The following LRRC4C variants were observed in gnomAD, a reference collection of about 807,000 sequenced individuals.
The protein encoded by LRRC4C is leucine rich repeat containing 4C.
Under a neutral mutation model 33.6 loss-of-function variants are expected in LRRC4C, and 5 were observed. The observed-to-expected ratio is 0.15, with a 90% CI of 0.08 to 0.31. The LOEUF is 0.31. Ranked by LOEUF, LRRC4C falls within the 10% of genes least tolerant of loss-of-function variation. The pLI is 1.00. For synonymous variants in LRRC4C, 329 were observed against 302.0 expected, an observed-to-expected ratio of 1.09 and a Z score of -0.93; for missense variants, 560 against 796.7, an observed-to-expected ratio of 0.70 and a Z score of 3.58.
At chr11:41,291,354 C>T (rs1434479219) in intron 1 of LRRC4C, among the ~76,000 whole-genome samples, 2 of 152,046 alleles carry the variant, frequency 1.3e-5, no homozygotes, top group Non-Finnish European at 2.9e-5. Flanking sequence ...AATACATATG[C>T]CCTTACATAT....
intron 1 of LRRC4C, among the ~76,000 whole-genome samples, chr11:41,015,344 T>A (rs1855503598): frequency 6.6e-6 from 1 of 152,202 alleles, no homozygotes; most frequent in Non-Finnish European, 1.5e-5. Context: ...GTTTAATTTT[T>A]TTGAGACAGG....
At chr11:40,386,828 C>G (rs771385069) in intron 3 of LRRC4C, among the ~76,000 whole-genome samples, 3 of 152,066 alleles carry the variant, frequency 2.0e-5, no homozygotes, top group Non-Finnish European at 4.4e-5. Flanking sequence ...CTTACTGGCT[C>G]CTCTTTAAAT....
chr11:41,266,039 A>C (rs1949141305), intron 1 of LRRC4C, among the ~76,000 whole-genome samples: 2 of 152,058 alleles, frequency 1.3e-5, no homozygotes, highest in Admixed American at 6.6e-5. Flanking sequence ...ATGACGATAA[A>C]ATTTATTGTT....
At chr11:40,401,516 A>T (rs1949758972) in intron 3 of LRRC4C, among the ~76,000 whole-genome samples, 6 of 152,134 alleles carry the variant, frequency 3.9e-5, no homozygotes, top group Admixed American at 3.3e-4. Flanking sequence ...CTGTATTAGA[A>T]GTTCCAGTGG....
chr11:41,103,531 A>T (rs1311321490), intron 1 of LRRC4C, among the ~76,000 whole-genome samples: 3 of 151,946 alleles, frequency 2.0e-5, no homozygotes, highest in Non-Finnish European at 4.4e-5. Flanking sequence ...GCAACATACC[A>T]ACTGGTATAG....
chr11:40,356,087 T>C (rs536882142), intron 3 of LRRC4C, among the ~76,000 whole-genome samples: 6 of 152,220 alleles, frequency 3.9e-5, no homozygotes, highest in South Asian at 4.1e-4. Context: ...GGCACATTTC[T>C]TATATTTTCA....
intron 1 of LRRC4C, among the ~76,000 whole-genome samples, chr11:41,226,790 G>A (rs1318443939): frequency 7.6e-6 from 1 of 131,134 alleles, no homozygotes; most frequent in Non-Finnish European, 1.6e-5. Flanking sequence ...TTCTCTCTAC[G>A]TGTAGTCACT....
At chr11:41,219,986 T>C (rs1049271508) in intron 1 of LRRC4C, among the ~76,000 whole-genome samples, 2 of 152,144 alleles carry the variant, frequency 1.3e-5, no homozygotes, top group African/African-American at 2.4e-5. Flanking sequence ...TATGTGTTTT[T>C]GTATTATTTG....
Position 41,151,981 on chromosome 11 carries a change from A to G in LRRC4C, c.-495-218258T>C, listed in dbSNP as rs574951056. 3.3e-4 allele frequency among the ~76,000 whole-genome samples: 50 copies of G among 152,288 alleles called. No homozygotes were observed. In the East Asian group the frequency reaches 9.4e-3, roughly 29 times the overall value. ...GGAAGCAGCTAGTACTGCAGAGGAGATAACTTCCATTCACCCAGACACATC... is the reference window on the plus strand; with the variant it reads ...GGAAGCAGCTAGTACTGCAGAGGAGGTAACTTCCATTCACCCAGACACATC... On this transcript the variant is annotated intron_variant, in intron 1 of 6. Coordinates refer to ENST00000528697, the MANE Select transcript of LRRC4C (RefSeq NM_001258419.2).
chr11:40,858,052 G>A (rs1953887323), intron 2 of LRRC4C, among the ~76,000 whole-genome samples: 1 of 143,214 alleles, frequency 7.0e-6, no homozygotes, highest in African/African-American at 2.6e-5. Flanking sequence ...GGAAGGGAAG[G>A]GAAAACTCTA....
At chr11:40,655,514 A>T (rs1943056955) in intron 2 of LRRC4C, among the ~76,000 whole-genome samples, 1 of 152,220 alleles carries the variant, frequency 6.6e-6, no homozygotes, top group African/African-American at 2.4e-5. Flanking sequence ...CAGAAGGAAA[A>T]TACTAGAAGA....
At chr11:40,576,277 A>G (rs1958188810) in intron 3 of LRRC4C, among the ~76,000 whole-genome samples, 1 of 152,200 alleles carries the variant, frequency 6.6e-6, no homozygotes, top group Non-Finnish European at 1.5e-5. Flanking sequence ...TTTTACTCCT[A>G]AATTGTGGAA....
At position 40,115,663 on chromosome 11, in the gene LRRC4C, C is replaced by G; in HGVS notation, c.630G>C (p.Arg210=). 6.2e-7 allele frequency: 1 copy of G among 1,614,124 alleles called. No individual in the cohort carries two copies. The highest frequency in any genetic ancestry group is 8.5e-7 in the Non-Finnish European group (1 of 1,180,022). The change falls in exon 7 of 7, where the codon CGG becomes CGC. Residue 210 remains arginine, a synonymous_variant. Coordinates refer to ENST00000528697, the MANE Select transcript of LRRC4C (RefSeq NM_001258419.2). This position sits in a 1 kb window ranked among gnomAD's most constrained non-coding sequence, Gnocchi z 6.7. The stretch of plus-strand genomic sequence containing the variant: ...TGAGCGGTGTGAGGTTAGGGATTTC[C>G]CGAAGGTTGCACATGGCAAGGTTCA... The part of the protein sequence containing the change: ...RYLNLAMCNL[R]EIPNLTPLIK...
At chr11:40,425,127 GA>G (rs35712776) in intron 3 of LRRC4C, among the ~76,000 whole-genome samples, 63,167 of 148,108 alleles carry the variant, frequency 0.43, 13,475 homozygotes, top group East Asian at 0.57. Flanking sequence ...TCTTTGTGGG[GA>G]AAAAAAAAAA....
chr11:40,552,846 C>T (rs919973391), intron 3 of LRRC4C, among the ~76,000 whole-genome samples: 7 of 152,166 alleles, frequency 4.6e-5, no homozygotes, highest in African/African-American at 1.2e-4. Flanking sequence ...TTAAATGGCT[C>T]ATCTAAGTCC....
In LRRC4C at chr11:41,270,791, A is replaced by G. The variant is rs186066155; in HGVS notation, c.-496+188640T>C. Among the ~76,000 whole-genome samples, 9 of 152,232 alleles carry G rather than the reference A, an allele frequency of 5.9e-5. No homozygotes were observed. The East Asian group carries it at 1.5e-3, about 26-fold the overall frequency. ...TGACTACAAATTTGGTATATCAAAA[A>G]CATCAGAAATGTATTATATTACCAT... is the stretch of plus-strand genomic sequence containing the variant. On this transcript the variant is annotated intron_variant, in intron 1 of 6. Coordinates refer to ENST00000528697, the MANE Select transcript of LRRC4C (RefSeq NM_001258419.2).
intron 1 of LRRC4C, among the ~76,000 whole-genome samples, chr11:41,155,748 C>A (rs1454336231): frequency 6.6e-6 from 1 of 152,142 alleles, no homozygotes; most frequent in Non-Finnish European, 1.5e-5. Flanking sequence ...ATGGAATACC[C>A]AATGTAACTA....
At chr11:40,982,065 AAAATATTACTGGAT>A (rs1424766632) in intron 1 of LRRC4C, among the ~76,000 whole-genome samples, 4 of 152,214 alleles carry the variant, frequency 2.6e-5, no homozygotes, top group Non-Finnish European at 5.9e-5. Context: ...TAACTTCCCC[AAAATATTACTGGAT>A]AAATCATTCA....
In LRRC4C at chr11:41,322,562, G is replaced by T. The variant is rs185918895; in HGVS notation, c.-496+136869C>A. Among the ~76,000 whole-genome samples, 132 of 151,956 alleles carry T rather than the reference G, an allele frequency of 8.7e-4. 2 individuals carry two copies. In the East Asian group the frequency reaches 0.021, roughly 25 times the overall value. On this transcript the variant is annotated intron_variant, in intron 1 of 6. Transcript: ENST00000528697. Reference sequence around the variant, plus strand: ...AATCCTGAAAATATAATACCTATTTGTCTTCATTTATGTTTTGTTGTGTCC... The same window carrying T: ...AATCCTGAAAATATAATACCTATTTTTCTTCATTTATGTTTTGTTGTGTCC...
Sources: gnomAD v4.1 joint callset for allele counts (sites outside exome capture counted in the v4.1 genomes callset) on GRCh38, gnomAD v4.1.1 for gene constraint, Gnocchi (gnomAD v3.1) non-coding constraint, MANE v1.5 for transcripts, NCBI Gene and HGNC (gene_info 2026-07-23, HGNC 2026-07-21) for gene names.